The following FREM1 variants were observed in gnomAD, a reference collection of about 807,000 sequenced individuals.
FREM1 encodes the protein FRAS1-related extracellular matrix protein 1.
In FREM1, 220 loss-of-function variants were observed where a neutral mutation model predicts 210.1. The ratio of observed to expected loss-of-function variants is 1.05; its 90% CI spans 0.94 to 1.17. FREM1 has a LOEUF of 1.17. Ranked by LOEUF, FREM1 falls within the 50% of genes most tolerant of loss-of-function variation. The probability of loss-of-function intolerance (pLI) is 0.00; values close to 1 mark genes in which losing one functional copy is unlikely to be tolerated. For missense variants in FREM1, 3,454 were observed against 2,675.5 expected, an observed-to-expected ratio of 1.29 and a Z score of -6.42; for synonymous variants, 1,189 against 980.2, an observed-to-expected ratio of 1.21 and a Z score of -3.98.
chr9:14,907,115 T>C (rs1297568093), intron 1 of FREM1, among the ~76,000 whole-genome samples: 1 of 152,168 alleles, frequency 6.6e-6, no homozygotes, highest in Non-Finnish European at 1.5e-5. Context: ...GCAAAGAACA[T>C]TTGTTTAAAA....
rs75354303 is a variant in FREM1, at chr9:14,870,135, C to A, written c.-267-891G>T. On this transcript the variant is annotated intron_variant, in intron 1 of 36. Coordinates refer to ENST00000380880, the MANE Select transcript of FREM1 (RefSeq NM_001379081.2). ...TGGTTTGTTATGCCCAAAGAAAGGC[C>A]TTCCATGTTAATAATTTCAATAAAT... Among the ~76,000 whole-genome samples the A allele has an allele frequency of 8.8e-3, 1,338 of 152,258 alleles. 25 individuals carry two copies. Among genetic ancestry groups the A allele is most frequent in the African/African-American group, 0.03 (1,256 of 41,546 alleles).
In FREM1 at chr9:14,797,622, G is replaced by C. The variant is rs759967265; in HGVS notation, c.3715C>G (p.His1239Asp). 6.2e-7 allele frequency: 1 copy of C among 1,612,242 alleles called. No homozygotes were observed. The highest frequency in any genetic ancestry group is 8.5e-7 in the Non-Finnish European group (1 of 1,178,840). Reference protein sequence around the residue: ...LKTGMRLTYMHDDSESLADDF... With the variant: ...LKTGMRLTYMDDDSESLADDF... ...TCAGCAAGGCTCTCTGAGTCATCAT[G>C]CATGTACGTCAACCTCATTCCTGGA... Residue 1239 changes from histidine to aspartate, a missense_variant, in exon 21 of 37, where the codon CAT becomes GAT. By Grantham distance (81) the His-to-Asp change is moderately conservative. Coordinates refer to ENST00000380880, the MANE Select transcript of FREM1 (RefSeq NM_001379081.2).
In FREM1 at chr9:14,801,742, T is replaced by C. The variant is rs763651943; in HGVS notation, c.3604A>G (p.Ser1202Gly). ...TGCTTATTCTCAGAGAAGTCTTTGC[T>C]AAACCCCCTATCGATGAGGAGGCCA... is the stretch of plus-strand genomic sequence containing the variant. ...RHGLLIDRGF[S>G]KDFSENKQPA... Residue 1202 changes from serine (S) to glycine (G), a missense_variant, in exon 20 of 37, where the codon AGC becomes GGC. Coordinates refer to ENST00000380880, the MANE Select transcript of FREM1 (RefSeq NM_001379081.2). 3.1e-6 allele frequency: 5 copies of C among 1,613,972 alleles called. No homozygotes were observed. In the South Asian group the frequency reaches 4.4e-5, roughly 14 times the overall value.
Position 14,789,073 on chromosome 9 carries a change from G to T in FREM1, c.4023C>A (p.Cys1341Ter). The stretch of plus-strand genomic sequence containing the variant: ...AGTTCAGATCCACTTCCTCCTGAGT[G>T]CATTTCATGCCAGGGGAGAGAGGAA... Reference protein sequence around the residue: ...DWVPLSPGMKCTQEEVDLNLL... With the variant: ...DWVPLSPGMK Residue 1341 changes from cysteine (C) to a stop codon, truncating the protein, a stop_gained, in exon 23 of 37, where the codon TGC becomes TGA. Coordinates refer to ENST00000380880, the MANE Select transcript of FREM1 (RefSeq NM_001379081.2). LOFTEE classifies it high-confidence loss of function. 6.2e-7 allele frequency: 1 copy of T among 1,604,956 alleles called. No individual in the cohort carries two copies. Among genetic ancestry groups the T allele is most frequent in the Non-Finnish European group, 8.5e-7 (1 of 1,175,478 alleles).
Position 14,748,593 on chromosome 9 carries a change from T to G in FREM1, c.5604A>C (p.Thr1868=), listed in dbSNP as rs750784567. 20 of 1,613,820 alleles carry G rather than the reference T, an allele frequency of 1.2e-5. No homozygotes were observed. The African/African-American group carries it at 2.5e-4, about 20-fold the overall frequency. The part of the protein sequence containing the change: ...SYSSNQSKHS[T]WEKGIWHLLP... The stretch of plus-strand genomic sequence containing the variant: ...GCAGATGCCAAATGCCCTTCTCCCA[T>G]GTGCTGTGCTTGCTTTGGTTGGAGG... Residue 1868 remains threonine, a synonymous_variant, in exon 31 of 37, where the codon ACA becomes ACC. Coordinates refer to ENST00000380880, the MANE Select transcript of FREM1 (RefSeq NM_001379081.2).
chr9:14,879,853 G>A (rs1834472452), intron 1 of FREM1, among the ~76,000 whole-genome samples: 1 of 152,154 alleles, frequency 6.6e-6, no homozygotes, highest in Non-Finnish European at 1.5e-5. Flanking sequence ...GGACAGACAA[G>A]CATTAGGTTG....
intron 10 of FREM1, among the ~76,000 whole-genome samples, chr9:14,827,362 T>C (rs879292418): frequency 1.1e-4 from 16 of 152,256 alleles, no homozygotes; most frequent in Admixed American, 4.6e-4. Context: ...GCCTGTGTTC[T>C]AACACGTTAT....
chr9:14,852,788 C>A (rs1828016069), intron 5 of FREM1, among the ~76,000 whole-genome samples: 1 of 152,242 alleles, frequency 6.6e-6, no homozygotes. Flanking sequence ...ACCAAATTCA[C>A]ATTAGTCCCA....
intron 21 of FREM1, among the ~76,000 whole-genome samples, chr9:14,795,253 A>G (rs1852159941): frequency 6.6e-6 from 1 of 152,214 alleles, no homozygotes; most frequent in African/African-American, 2.4e-5. Context: ...CAATCCTATT[A>G]AGAGGATACC....
At chr9:14,763,678 C>T (rs1732613164) in intron 27 of FREM1, among the ~76,000 whole-genome samples, 1 of 152,194 alleles carries the variant, frequency 6.6e-6, no homozygotes, top group Admixed American at 6.5e-5. Flanking sequence ...GTTGTTTAAA[C>T]ACCCAATTTA....
chr9:14,842,638 G>T lies in FREM1; in HGVS notation c.1416C>A (p.Thr472=), dbSNP rs200081307. ...CAACTCCAGCCTGGAGGTCAGCCAC[G>T]GTGAAGAGAAACCCTTTCCCCCCTG... ...TLRGGKGFLF[T]VADLQAGVVR... is the part of the protein sequence containing the mutation. The change falls in exon 9 of 37, where the codon ACC becomes ACA. Residue 472 remains threonine (T), a synonymous_variant. Transcript: ENST00000380880. 1 of 1,613,368 alleles carries T rather than the reference G, an allele frequency of 6.2e-7. No individual in the cohort carries two copies. Among genetic ancestry groups the T allele is most frequent in the Non-Finnish European group, 8.5e-7 (1 of 1,179,660 alleles).
In FREM1 at chr9:14,901,074, G is replaced by A. The variant is rs149866337; in HGVS notation, c.-268+8840C>T. Among the ~76,000 whole-genome samples, 208 of 152,258 alleles carry A rather than the reference G, an allele frequency of 1.4e-3. 1 individual carries two copies. The highest frequency in any genetic ancestry group is 4.9e-3 in the African/African-American group (202 of 41,538). Reference sequence around the variant, plus strand: ...CTTGCTGCGACTCTTTAAAGACAAAGATAAGTCTATATATTATAACAATAA... The same window carrying A: ...CTTGCTGCGACTCTTTAAAGACAAAAATAAGTCTATATATTATAACAATAA... On this transcript the variant is annotated intron_variant, in intron 1 of 36. Coordinates refer to ENST00000380880, the MANE Select transcript of FREM1 (RefSeq NM_001379081.2).
chr9:14,899,517 T>G (rs541662603), intron 1 of FREM1, among the ~76,000 whole-genome samples: 29 of 152,296 alleles, frequency 1.9e-4, no homozygotes, highest in Admixed American at 6.5e-4. Flanking sequence ...AATGTCTGAT[T>G]AGATGTCTCA....
In FREM1 at chr9:14,813,040, G is replaced by GT. The variant is rs1819681467; in HGVS notation, c.2664dup (p.Pro889ThrfsTer6). On this transcript the variant is annotated frameshift_variant, in exon 16 of 37. Transcript: ENST00000380880. LOFTEE classifies it high-confidence loss of function. Reference sequence around the variant, plus strand: ...GGCATGAGGTCAGCCTTTAAGACTGGTGGCTCATCGTTGACAGGGAATACC... The same window carrying GT: ...GGCATGAGGTCAGCCTTTAAGACTGGTTGGCTCATCGTTGACAGGGAATACC... 1 of 1,610,396 alleles carries GT rather than the reference G, an allele frequency of 6.2e-7. No homozygotes were observed. The highest frequency in any genetic ancestry group is 1.1e-5 in the South Asian group (1 of 90,722).
chr9:14,866,741 T>C (rs1383218536), intron 2 of FREM1, among the ~76,000 whole-genome samples: 1 of 152,110 alleles, frequency 6.6e-6, no homozygotes. Flanking sequence ...CAATCACCAG[T>C]CTTTATAAGA....
At chr9:14,786,254 T>A (rs1850409633) in intron 23 of FREM1, among the ~76,000 whole-genome samples, 1 of 152,218 alleles carries the variant, frequency 6.6e-6, no homozygotes, top group African/African-American at 2.4e-5. Flanking sequence ...GCAAGCCATC[T>A]GAGCCCAGAG....
intron 29 of FREM1, among the ~76,000 whole-genome samples, chr9:14,752,718 T>A (rs1482951449): frequency 1.3e-5 from 2 of 152,148 alleles, no homozygotes; most frequent in African/African-American, 4.8e-5. Flanking sequence ...TATTAGTACT[T>A]GGAGAACTGT....
intron 1 of FREM1, among the ~76,000 whole-genome samples, chr9:14,877,875 T>C (rs1834063186): frequency 6.6e-6 from 1 of 152,210 alleles, no homozygotes; most frequent in Non-Finnish European, 1.5e-5. Context: ...TGTATTGTTT[T>C]AAGCCACAAA....
intron 27 of FREM1, among the ~76,000 whole-genome samples, chr9:14,764,671 T>C (rs1212137976): frequency 6.6e-6 from 1 of 152,158 alleles, no homozygotes; most frequent in African/African-American, 2.4e-5. Context: ...TGCTGCTGAA[T>C]GTTCTGCAGT....
Sources: gnomAD v4.1 joint callset for allele counts (sites outside exome capture counted in the v4.1 genomes callset) on GRCh38, gnomAD v4.1.1 for gene constraint, MANE v1.5 for transcripts, NCBI Gene and HGNC (gene_info 2026-07-23, HGNC 2026-07-21) for gene names.